The following NFIB variants were observed in gnomAD, a reference collection of about 807,000 sequenced individuals.
NFIB encodes nuclear factor I B.
Under a neutral mutation model 61.5 loss-of-function variants are expected in NFIB, and 11 were observed. The ratio of observed to expected loss-of-function variants is 0.18; its 90% CI spans 0.11 to 0.30. NFIB has a LOEUF of 0.30. Among genes scored for constraint, NFIB ranks in the 10% least tolerant of loss-of-function variants. NFIB has a pLI of 1.00. For missense variants in NFIB, 471 were observed against 608.9 expected (o/e 0.77, Z 2.38); for synonymous variants, 260 against 216.5 (o/e 1.20, Z -1.76).
chr9:14,358,361 G>C (rs1053605539), intron 1 of NFIB, among the ~76,000 whole-genome samples: 1 of 152,018 alleles, frequency 6.6e-6, no homozygotes, highest in African/African-American at 2.4e-5. Context: ...ATCACTTTGG[G>C]ATAAATGTGT....
chr9:14,463,659 CTTTTTTT>C, the NFIB span, among the ~76,000 whole-genome samples: 2 of 65,814 alleles, frequency 3.0e-5, no homozygotes, highest in African/African-American at 1.0e-4. Flanking sequence ...ATTTGATTTT[CTTTTTTT>C]TTTTTTTTTT....
chr9:14,436,431 G>A, the NFIB span, among the ~76,000 whole-genome samples: 3 of 152,208 alleles, frequency 2.0e-5, no homozygotes, highest in Non-Finnish European at 2.9e-5. Flanking sequence ...ACCAGGTAAG[G>A]CTTTCATTTG....
At chr9:14,443,033 C>A in the NFIB span, among the ~76,000 whole-genome samples, 1 of 99,216 alleles carries the variant, frequency 1.0e-5, no homozygotes, top group Non-Finnish European at 1.9e-5. Flanking sequence ...CAACCCCCCA[C>A]CCGCCCCCCC....
intron 2 of NFIB, among the ~76,000 whole-genome samples, chr9:14,264,193 A>G (rs1161897129): frequency 1.3e-5 from 2 of 151,972 alleles, no homozygotes; most frequent in Non-Finnish European, 2.9e-5. Context: ...AAAAAAAAAA[A>G]GCAAATAGAT....
chr9:14,376,385 T>G (rs1157658069), intron 1 of NFIB, among the ~76,000 whole-genome samples: 1 of 152,236 alleles, frequency 6.6e-6, no homozygotes, highest in African/African-American at 2.4e-5. Flanking sequence ...AAGAGTAGCT[T>G]CAACTTAGAA....
upstream of NFIB, among the ~76,000 whole-genome samples, chr9:14,315,195 G>A (rs994581748): frequency 4.0e-5 from 6 of 151,716 alleles, no homozygotes; most frequent in African/African-American, 1.5e-4. Flanking sequence ...CGGAGCCCGG[G>A]TTCGCGGATA....
chr9:14,278,373 C>A (rs1337949240), intron 2 of NFIB, among the ~76,000 whole-genome samples: 1 of 152,218 alleles, frequency 6.6e-6, no homozygotes, highest in East Asian at 1.9e-4. Context: ...TTAGTTTATA[C>A]AGCTGCTGTT....
chr9:14,508,475 T>C, the NFIB span, among the ~76,000 whole-genome samples: 7 of 152,230 alleles, frequency 4.6e-5, no homozygotes, highest in African/African-American at 1.7e-4. Context: ...GCCAATCTAA[T>C]GAGAATCCTT....
At chr9:14,215,574 A>T (rs948025248) in intron 2 of NFIB, among the ~76,000 whole-genome samples, 5 of 152,180 alleles carry the variant, frequency 3.3e-5, no homozygotes, top group Non-Finnish European at 5.9e-5. Flanking sequence ...AAAGTCATTT[A>T]AAAAAACTAC....
rs2038113210 is a variant in NFIB at position 14,116,228 on chromosome 9, G to A, written c.1364C>T (p.Pro455Leu). ...PVTLSMTDTKPITTSTEAYTA... is the reference protein window; with the variant it reads ...PVTLSMTDTKLITTSTEAYTA... ...CTCACCTTCAGTGGATGTAGTGATG[G>A]GTTTAGTATCTGTCATGCTCAGGGT... The change falls in exon 9 of 11, where the codon CCC becomes CTC. Residue 455 changes from proline (P) to leucine (L), a missense_variant. Pro to Leu is a moderately conservative substitution (Grantham distance 98). Around this residue, in one of 2 missense-constraint regions of NFIB, gnomAD observed 372 missense variants for 395.6 expected, o/e 0.94. Transcript: ENST00000380953. 1.3e-6 allele frequency: 2 copies of A among 1,524,686 alleles called. No individual in the cohort carries two copies. The highest frequency in any genetic ancestry group is 1.4e-5 in the African/African-American group (1 of 72,388). 94.4% of individuals were successfully genotyped at this position (1,524,686 alleles called of 1,614,324 possible).
intron 2 of NFIB, among the ~76,000 whole-genome samples, chr9:14,187,341 C>A (rs2047490583): frequency 1.3e-5 from 2 of 152,026 alleles, no homozygotes; most frequent in Admixed American, 1.3e-4. Flanking sequence ...TTGGCAGAAC[C>A]AATATAATAT....
At chr9:14,352,176 G>A (rs756044109) in intron 1 of NFIB, among the ~76,000 whole-genome samples, 1 of 152,090 alleles carries the variant, frequency 6.6e-6, no homozygotes, top group African/African-American at 2.4e-5. Flanking sequence ...CGTAAATCCA[G>A]ATACTTCAAA....
At position 14,123,191 on chromosome 9, in the gene NFIB, A is replaced by G. The variant is rs371092525; in HGVS notation, c.1060+2441T>C. Among the ~76,000 whole-genome samples, 6 of 151,482 alleles carry G rather than the reference A, an allele frequency of 4.0e-5. No homozygotes were observed. The East Asian group carries it at 7.8e-4, about 20-fold the overall frequency. ...AGAATTGCTTGAACCTGGGAGGCAG[A>G]GGTTGCAGCGAGCCAAGATCACGCC... On this transcript the variant is annotated intron_variant, in intron 7 of 10. Transcript: ENST00000380953.
intron 10 of NFIB, among the ~76,000 whole-genome samples, chr9:14,112,581 T>C (rs989576892): frequency 1.3e-5 from 2 of 152,158 alleles, no homozygotes; most frequent in Admixed American, 1.3e-4. Context: ...AAAATACAAA[T>C]GTGAGGAGCA....
At chr9:14,414,348 T>C in the NFIB span, among the ~76,000 whole-genome samples, 1 of 150,780 alleles carries the variant, frequency 6.6e-6, no homozygotes, top group Non-Finnish European at 1.5e-5. Context: ...GGCAGGAGAA[T>C]TGCTTGAACC....
chr9:14,199,310 C>G (rs1002736762), intron 2 of NFIB, among the ~76,000 whole-genome samples: 4 of 152,202 alleles, frequency 2.6e-5, no homozygotes, highest in African/African-American at 9.6e-5. Context: ...GTGTCCTTGG[C>G]AGGCAGTAGT....
At chr9:14,187,435 T>G (rs1210900820) in intron 2 of NFIB, among the ~76,000 whole-genome samples, 1 of 152,220 alleles carries the variant, frequency 6.6e-6, no homozygotes, top group Non-Finnish European at 1.5e-5. Context: ...CTCTTTCTGT[T>G]GTTTAACATT....
At chr9:14,272,033 G>C (rs933358588) in intron 2 of NFIB, among the ~76,000 whole-genome samples, 9 of 152,090 alleles carry the variant, frequency 5.9e-5, no homozygotes, top group Admixed American at 2.0e-4. Flanking sequence ...TTTTTAAAAG[G>C]CAAATTCCAT....
chr9:14,421,115 T>C, the NFIB span, among the ~76,000 whole-genome samples: 1 of 150,502 alleles, frequency 6.6e-6, no homozygotes, highest in Non-Finnish European at 1.5e-5. Flanking sequence ...ATGTATACCA[T>C]GTGCAAAACT....
Sources: allele counts gnomAD v4.1 joint callset (sites outside exome capture counted in the v4.1 genomes callset), GRCh38; gene constraint gnomAD v4.1.1; regional missense constraint gnomAD v4.1.1; transcripts MANE v1.5; gene names NCBI Gene and HGNC (gene_info 2026-07-23, HGNC 2026-07-21).